KCNK2: variants seen among roughly 807,000 people sequenced by gnomAD.
KCNK2 encodes the protein potassium two pore domain channel subfamily K member 2, also known as potassium channel subfamily K member 2.
A neutral mutation model predicts 40.5 loss-of-function variants in KCNK2; 21 were observed. The observed-to-expected ratio is 0.52, with a 90% CI of 0.37 to 0.75. The LOEUF is 0.75. Ranked by LOEUF, KCNK2 falls within the 30% of genes least tolerant of loss-of-function variation. KCNK2 has a pLI of 0.00. For missense variants in KCNK2, 399 were observed against 531.6 expected (o/e 0.75, Z 2.45); for synonymous variants, 191 against 202.2 (o/e 0.94, Z 0.47).
At chr1:215,232,638 T>C (rs1666715474) in intron 6 of KCNK2, among the ~76,000 whole-genome samples, 1 of 152,214 alleles carries the variant, frequency 6.6e-6, no homozygotes, top group South Asian at 2.1e-4. Flanking sequence ...TTAGCAAGTA[T>C]ATAGGTGAAC....
rs1308981128 is a variant in KCNK2 at position 215,007,153 on chromosome 1, ATATG to A, written c.34+1206_34+1209del. ...TATGTGTATATATATGTGTATATAT[ATATG>A]TATGTATATATATATGTATGTGTGT... On this transcript the variant is annotated intron_variant, in intron 1 of 6. Coordinates refer to the KCNK2 transcript ENST00000391895. Among the ~76,000 whole-genome samples, 3 of 128,234 alleles carry A rather than the reference ATATG, an allele frequency of 2.3e-5. 1 individual carries two copies. Among genetic ancestry groups the A allele is most frequent in the African/African-American group, 9.3e-5 (3 of 32,102 alleles). The allele number at this position is 128,234 out of a possible 152,430, so 84.1% of individuals were successfully genotyped here.
chr1:215,041,415 G>C (rs111729713), intron 1 of KCNK2, among the ~76,000 whole-genome samples: 3,208 of 152,222 alleles, frequency 0.021, 116 homozygotes, highest in African/African-American at 0.073. Context: ...TATAAAAAGA[G>C]GTAAAAATCA....
chr1:215,110,701 T>G (rs1660644866), intron 2 of KCNK2, among the ~76,000 whole-genome samples: 1 of 151,934 alleles, frequency 6.6e-6, no homozygotes, highest in Non-Finnish European at 1.5e-5. Flanking sequence ...ATTTTTAGGT[T>G]CGTGGCAAAA....
At chr1:215,205,340 C>T (rs559994828) in intron 6 of KCNK2, among the ~76,000 whole-genome samples, 7 of 152,130 alleles carry the variant, frequency 4.6e-5, no homozygotes, top group South Asian at 2.1e-4. Flanking sequence ...CAGGTTCAAG[C>T]GATTTTTCTG....
chr1:215,147,443 A>C (rs781236395), intron 3 of KCNK2, among the ~76,000 whole-genome samples: 10 of 152,218 alleles, frequency 6.6e-5, no homozygotes, highest in Non-Finnish European at 1.5e-4. Flanking sequence ...TTGTCTTGTA[A>C]TTAGAATCAT....
intron 4 of KCNK2, among the ~76,000 whole-genome samples, chr1:215,171,401 T>C (rs777598076): frequency 2.0e-5 from 3 of 152,130 alleles, no homozygotes; most frequent in African/African-American, 4.8e-5. Flanking sequence ...CTGGTTCATG[T>C]TGGAATCAAA....
intron 5 of KCNK2, among the ~76,000 whole-genome samples, chr1:215,177,111 A>G (rs1664010641): frequency 6.6e-6 from 1 of 151,664 alleles, no homozygotes; most frequent in African/African-American, 2.4e-5. Context: ...TTTTTTTCAT[A>G]TGTTTCTTGG....
intron 3 of KCNK2, among the ~76,000 whole-genome samples, chr1:215,134,309 C>G (rs1015684183): frequency 6.6e-6 from 1 of 152,146 alleles, no homozygotes; most frequent in African/African-American, 2.4e-5. Context: ...TGTCCCCACT[C>G]CACATGCTGG....
At chr1:215,123,941 T>C (rs891506839) in intron 2 of KCNK2, among the ~76,000 whole-genome samples, 1 of 152,206 alleles carries the variant, frequency 6.6e-6, no homozygotes, top group African/African-American at 2.4e-5. Flanking sequence ...TTAGTACTAC[T>C]CAACATTCTC....
intron 1 of KCNK2, among the ~76,000 whole-genome samples, chr1:215,062,663 T>C (rs1356129329): frequency 6.6e-6 from 1 of 151,696 alleles, no homozygotes; most frequent in Non-Finnish European, 1.5e-5. Flanking sequence ...TGGGATGGGC[T>C]AAAGTTAATT....
chr1:215,021,573 T>TTTTTTG (rs1553255768), intron 1 of KCNK2, among the ~76,000 whole-genome samples: 5 of 123,638 alleles, frequency 4.0e-5, no homozygotes, highest in African/African-American at 1.7e-4. Context: ...TGAGACGGAA[T>TTTTTTG]CTCGCTCTGT....
intron 3 of KCNK2, among the ~76,000 whole-genome samples, chr1:215,139,994 C>A (rs1662104425): frequency 1.3e-5 from 2 of 152,150 alleles, no homozygotes; most frequent in Non-Finnish European, 2.9e-5. Context: ...TGATATTATA[C>A]CATAATCACT....
chr1:215,186,818 T>C (rs1319798436), intron 5 of KCNK2, among the ~76,000 whole-genome samples: 2 of 152,326 alleles, frequency 1.3e-5, no homozygotes, highest in East Asian at 1.9e-4. Flanking sequence ...TAAAAAGCAC[T>C]TGGGAGGCCA....
At chr1:215,227,717 G>A (rs1485471032) in intron 6 of KCNK2, among the ~76,000 whole-genome samples, 1 of 152,102 alleles carries the variant, frequency 6.6e-6, no homozygotes, top group Non-Finnish European at 1.5e-5. Context: ...GACCACAGAA[G>A]TAATACACAT....
At chr1:215,082,519 G>A (rs911112580), upstream of KCNK2, among the ~76,000 whole-genome samples, 5 of 152,272 alleles carry the variant, frequency 3.3e-5, no homozygotes, top group East Asian at 7.8e-4. Flanking sequence ...TTTGCGGGGT[G>A]GGGATGGGGG....
At chr1:215,230,914 T>C (rs772895855) in intron 6 of KCNK2, among the ~76,000 whole-genome samples, 2 of 152,172 alleles carry the variant, frequency 1.3e-5, no homozygotes, top group Admixed American at 1.3e-4. Context: ...AGAAATTGAA[T>C]GCAATTAAAG....
chr1:215,141,392 A>G (rs1280246132), intron 3 of KCNK2, among the ~76,000 whole-genome samples: 3 of 152,080 alleles, frequency 2.0e-5, no homozygotes, highest in Admixed American at 6.6e-5. Context: ...AACGTGGGTA[A>G]TATGTTGTTC....
chr1:215,122,870 G>A (rs1169638927), intron 2 of KCNK2, among the ~76,000 whole-genome samples: 2 of 145,300 alleles, frequency 1.4e-5, no homozygotes, highest in African/African-American at 5.1e-5. Flanking sequence ...TCCACCTCCC[G>A]AGTAGCTGGG....
intron 2 of KCNK2, among the ~76,000 whole-genome samples, chr1:215,120,448 C>T (rs1571635056): frequency 1.3e-5 from 2 of 152,086 alleles, no homozygotes; most frequent in African/African-American, 2.4e-5. Context: ...AATAAATGAA[C>T]GTGTTGAAGA....
Sources: gnomAD v4.1 joint callset for allele counts (sites outside exome capture counted in the v4.1 genomes callset) on GRCh38, gnomAD v4.1.1 for gene constraint, MANE v1.5 for transcripts, NCBI Gene and HGNC (gene_info 2026-07-23, HGNC 2026-07-21) for gene names.